The following KMT2E variants were observed in gnomAD, a reference collection of about 807,000 sequenced individuals.
KMT2E encodes the protein histone reader KMT2E.
A neutral mutation model predicts 184.6 loss-of-function variants in KMT2E; 30 were observed. The ratio of observed to expected loss-of-function variants is 0.16; its 90% CI spans 0.12 to 0.22. KMT2E has a LOEUF of 0.22. Among genes scored for constraint, KMT2E ranks in the 10% least tolerant of loss-of-function variants. The probability of loss-of-function intolerance (pLI) is 1.00; values close to 1 mark genes in which losing one functional copy is unlikely to be tolerated. For synonymous variants in KMT2E, 815 were observed against 776.5 expected (o/e 1.05, Z -0.82); for missense variants, 2,023 against 2,237.4 (o/e 0.90, Z 1.93).
At chr7:105,039,346 T>G (rs147106225) in intron 2 of KMT2E, 7 of 152,358 alleles carry the variant, frequency 4.6e-5, no homozygotes, top group African/African-American at 1.7e-4. Flanking sequence ...TATTTTAGAT[T>G]GGAAATATCA....
chr7:105,017,623 T>C lies in KMT2E; in HGVS notation c.-189+3088T>C, dbSNP rs952250629. Among the ~76,000 whole-genome samples the C allele has an allele frequency of 1.3e-4, 20 of 152,268 alleles. 1 individual carries two copies. The highest frequency in any genetic ancestry group is 1.2e-3 in the Admixed American group (19 of 15,298). On this transcript the variant is annotated intron_variant, in intron 1 of 26. Coordinates refer to ENST00000311117, the MANE Select transcript of KMT2E (RefSeq NM_182931.3). ...TTTATTAGAAGGTTAGGCATAATTT[T>C]TGTTCCCAGAGAGTTTTGAAAGAAT...
At chr7:105,062,077 G>T (rs1796834796) in intron 3 of KMT2E, 87 bp from the exon 4 acceptor site, 4 of 830,318 alleles carry the variant, frequency 4.8e-6, no homozygotes, top group Non-Finnish European at 8.3e-6. Context: ...CCATTATTTT[G>T]CTGTAAGTAC....
intron 3 of KMT2E, among the ~76,000 whole-genome samples, chr7:105,057,783 T>C (rs370724042): frequency 2.0e-5 from 3 of 152,304 alleles, no homozygotes; most frequent in East Asian, 3.9e-4. Context: ...TTCCCATTTC[T>C]CTCATGTATT....
chr7:105,082,554 G>T (rs192229975), intron 13 of KMT2E, among the ~76,000 whole-genome samples: 43 of 152,218 alleles, frequency 2.8e-4, no homozygotes, highest in Non-Finnish European at 5.3e-4. Flanking sequence ...TATCGTAAAG[G>T]TCTTCATCCT....
rs780152679 is a variant in KMT2E at position 105,062,234 on chromosome 7, A to G, written c.142A>G (p.Ser48Gly). The change falls in exon 4 of 27, where the codon AGC becomes GGC. Residue 48 changes from serine to glycine, a missense_variant. By Grantham distance (56) the Ser-to-Gly change is moderately conservative. Coordinates refer to ENST00000311117, the MANE Select transcript of KMT2E (RefSeq NM_182931.3). Reference protein sequence around the residue: ...SNSYPHQLYTSSSHHSHSYIG... With the variant: ...SNSYPHQLYTGSSHHSHSYIG... ...CAGTTATCCCCACCAGTTATATACC[A>G]GCAGCTCACATCATTCACACAGTTA... The G allele has an allele frequency of 1.4e-5, 22 of 1,613,572 alleles. No individual in the cohort carries two copies. The highest frequency in any genetic ancestry group is 1.0e-4 in the Admixed American group (6 of 59,984).
chr7:105,071,043 A>G (rs1479449581), intron 6 of KMT2E, among the ~76,000 whole-genome samples: 1 of 152,178 alleles, frequency 6.6e-6, no homozygotes, highest in Admixed American at 6.5e-5. Context: ...ATATGTAGAT[A>G]TGTATCTATA....
chr7:105,025,544 C>T (rs989484480), intron 1 of KMT2E, among the ~76,000 whole-genome samples: 6 of 152,030 alleles, frequency 3.9e-5, no homozygotes, highest in African/African-American at 1.2e-4. Context: ...AACCAATGTG[C>T]AGGATTAATA....
At chr7:105,089,331 C>T (rs1334259654) in intron 13 of KMT2E, 2 of 358,260 alleles carry the variant, frequency 5.6e-6, no homozygotes, top group Non-Finnish European at 1.1e-5. Flanking sequence ...ATCGCGTAGC[C>T]AGGATTACAG....
intron 26 of KMT2E, among the ~76,000 whole-genome samples, chr7:105,111,555 G>A (rs900858532): frequency 1.3e-5 from 2 of 151,960 alleles, no homozygotes; most frequent in Non-Finnish European, 2.9e-5. Context: ...TAAAAAGGCA[G>A]AGTAAAGTGA....
At chr7:105,072,216 G>C (rs1471418463) in intron 6 of KMT2E, among the ~76,000 whole-genome samples, 3 of 152,136 alleles carry the variant, frequency 2.0e-5, no homozygotes, top group Admixed American at 1.3e-4. Flanking sequence ...TACTTGGGAG[G>C]CTTAGGCGGC....
chr7:105,019,540 T>C (rs957433620), intron 1 of KMT2E, among the ~76,000 whole-genome samples: 3 of 152,240 alleles, frequency 2.0e-5, no homozygotes, highest in African/African-American at 7.2e-5. Flanking sequence ...ACTACGTCTT[T>C]TAATGAGTAA....
At position 105,025,621 on chromosome 7, in the gene KMT2E, C is replaced by T. The variant is rs1343051209; in HGVS notation, c.-189+11086C>T. On this transcript the variant is annotated intron_variant, in intron 1 of 26. Coordinates refer to ENST00000311117, the MANE Select transcript of KMT2E (RefSeq NM_182931.3). ...AATGTAAACTACTTTCTGCTGCTTCCACCAGTTGAGATGAATGCTCATGGA... is the reference window on the plus strand; with the variant it reads ...AATGTAAACTACTTTCTGCTGCTTCTACCAGTTGAGATGAATGCTCATGGA... Among the ~76,000 whole-genome samples the T allele has an allele frequency of 2.6e-5, 4 of 152,066 alleles. No individual in the cohort carries two copies. In the East Asian group the frequency reaches 7.7e-4, roughly 29 times the overall value.
At position 105,112,686 on chromosome 7, in the gene KMT2E, C is replaced by T. The variant is rs755462449; in HGVS notation, c.4930C>T (p.Pro1644Ser). 5.6e-6 allele frequency: 9 copies of T among 1,613,934 alleles called. No individual in the cohort carries two copies. The South Asian group carries it at 8.8e-5, about 16-fold the overall frequency. Residue 1644 changes from proline to serine, a missense_variant, in exon 27 of 27, where the codon CCG (proline) becomes TCG (serine). Around this residue, in one of 8 missense-constraint regions of KMT2E, gnomAD observed 1,108 missense variants for 1,050.9 expected, o/e 1.05. Coordinates refer to ENST00000311117, the MANE Select transcript of KMT2E (RefSeq NM_182931.3). ...TCCAGGACCGCACCTTGTACAACAG[C>T]CGAATTCCCATCAGCAACACTCTGT... ...PAPGPHLVQQPNSHQQHSVAH... is the reference protein window; with the variant it reads ...PAPGPHLVQQSNSHQQHSVAH...
At chr7:105,109,281 T>G in intron 23 of KMT2E, 53 bp downstream of exon 23, 1 of 1,539,754 alleles carries the variant, frequency 6.5e-7, no homozygotes, top group Non-Finnish European at 8.8e-7. Flanking sequence ...TTTGTTCAAG[T>G]ATTCTTCCTA....
At chr7:105,082,312 G>T (rs957809884) in intron 13 of KMT2E, among the ~76,000 whole-genome samples, 6 of 152,110 alleles carry the variant, frequency 3.9e-5, no homozygotes, top group Admixed American at 3.3e-4. Flanking sequence ...ACAATGCGGG[G>T]TTGGAGCACC....
chr7:105,109,077 A>G lies in KMT2E; in HGVS notation c.3604A>G (p.Ser1202Gly), dbSNP rs770862286. Residue 1202 changes from serine (S) to glycine (G), a missense_variant, in exon 23 of 27, where the codon AGT becomes GGT. Ser to Gly is a moderately conservative substitution (Grantham distance 56). Transcript: ENST00000311117. Reference sequence around the variant, plus strand: ...CAACAATGGTGATGGCTGTGCCAGCAGTAATGACAATGGGGAGCAGGTGGA... The same window carrying G: ...CAACAATGGTGATGGCTGTGCCAGCGGTAATGACAATGGGGAGCAGGTGGA... ...LSNNGDGCASSNDNGEQVDHT... is the reference protein window; with the variant it reads ...LSNNGDGCASGNDNGEQVDHT... The G allele has an allele frequency of 6.8e-6, 11 of 1,614,232 alleles. No homozygotes were observed. The Middle Eastern group carries it at 8.2e-4, about 121-fold the overall frequency.
rs1798140740 is a variant in KMT2E, at chr7:105,090,132, A to G, written c.1482A>G (p.Lys494=). 6.2e-7 allele frequency: 1 copy of G among 1,613,418 alleles called. No homozygotes were observed. The highest frequency in any genetic ancestry group is 1.1e-5 in the South Asian group (1 of 91,016). ...GYETRRKKGK[K]DKDISKEKDT... is the part of the protein sequence containing the mutation. ...AGACCAGACGGAAAAAAGGAAAAAA[A>G]GACAAAGATATTTCAAAAGAAAAAG... Residue 494 remains lysine, a synonymous_variant, in exon 14 of 27, where the codon AAA becomes AAG. Transcript: ENST00000311117.
At chr7:105,032,073 C>CAAAAAAAAAA (rs869308527) in intron 1 of KMT2E, among the ~76,000 whole-genome samples, 1 of 77,274 alleles carries the variant, frequency 1.3e-5, no homozygotes, top group Non-Finnish European at 2.4e-5. Context: ...ACTCTTATCA[C>CAAAAAAAAAA]AAAAAAAAAA....
At chr7:105,077,583 G>A in intron 11 of KMT2E, 150 bp downstream of exon 11, 2 of 601,182 alleles carry the variant, frequency 3.3e-6, no homozygotes, top group Non-Finnish European at 5.8e-6. Flanking sequence ...AGTGACTGAT[G>A]ATAATTTTTG....
Sources: allele counts gnomAD v4.1 joint callset (sites outside exome capture counted in the v4.1 genomes callset), GRCh38; gene constraint gnomAD v4.1.1; regional missense constraint gnomAD v4.1.1; transcripts MANE v1.5; gene names NCBI Gene and HGNC (gene_info 2026-07-23, HGNC 2026-07-21).